The following SLC41A2 variants were observed in gnomAD, a reference collection of about 807,000 sequenced individuals.
The protein encoded by SLC41A2 is SLC41A1-like 1.
In SLC41A2, 32 loss-of-function variants were observed where a neutral mutation model predicts 58.3. The ratio of observed to expected loss-of-function variants is 0.55; its 90% CI spans 0.41 to 0.74. The LOEUF (loss-of-function observed/expected upper bound fraction) is 0.74. Ranked by LOEUF, SLC41A2 falls within the 30% of genes least tolerant of loss-of-function variation. The pLI, the probability that SLC41A2 is intolerant of heterozygous loss-of-function variation, is 0.00. For missense variants in SLC41A2, 514 were observed against 680.6 expected, an observed-to-expected ratio of 0.76 and a Z score of 2.72; for synonymous variants, 190 against 235.0, an observed-to-expected ratio of 0.81 and a Z score of 1.75.
At chr12:104,932,624 C>CAAAA (rs544329617) in intron 1 of SLC41A2, among the ~76,000 whole-genome samples, 5 of 46,034 alleles carry the variant, frequency 1.1e-4, no homozygotes, top group East Asian at 6.4e-4. Context: ...GACTTTGTCT[C>CAAAA]AAAAAAAAAA....
chr12:104,908,540 A>G (rs2045947514), intron 3 of SLC41A2, among the ~76,000 whole-genome samples: 1 of 152,244 alleles, frequency 6.6e-6, no homozygotes, highest in African/African-American at 2.4e-5. Flanking sequence ...AAAGGAAAAA[A>G]ACTTTATATA....
At position 104,889,483 on chromosome 12, in the gene SLC41A2, T is replaced by C. The variant is rs142856542; in HGVS notation, c.736-306A>G. ...ACCTAAGAAAATGCCACCTTCAGACTGAGAAGTACCCAATCCACACATCTG... is the reference window on the plus strand; with the variant it reads ...ACCTAAGAAAATGCCACCTTCAGACCGAGAAGTACCCAATCCACACATCTG... On this transcript the variant is annotated intron_variant, in intron 4 of 10. Coordinates refer to ENST00000258538, the MANE Select transcript of SLC41A2 (RefSeq NM_001352171.3). Among the ~76,000 whole-genome samples, 14 of 152,266 alleles carry C rather than the reference T, an allele frequency of 9.2e-5. No homozygotes were observed. In the East Asian group the frequency reaches 2.7e-3, roughly 29 times the overall value.
chr12:104,825,032 C>CT (rs60592498), intron 10 of SLC41A2, among the ~76,000 whole-genome samples: 74,320 of 151,866 alleles, frequency 0.49, 19,019 homozygotes, highest in Middle Eastern at 0.57. Flanking sequence ...GACTTTGTCT[C>CT]TTTTTTCTCT....
chr12:104,904,887 T>C lies in SLC41A2; in HGVS notation c.663+4768A>G, dbSNP rs537948402. Among the ~76,000 whole-genome samples the C allele has an allele frequency of 2.6e-5, 4 of 152,200 alleles. No homozygotes were observed. The East Asian group carries it at 7.7e-4, about 29-fold the overall frequency. On this transcript the variant is annotated intron_variant, in intron 3 of 10. Transcript: ENST00000258538. ...AAGAGTGAGCAGTAGCAAGATTTATTGCAAAGAACAAAAGACCAAAGCTTC... is the reference window on the plus strand; with the variant it reads ...AAGAGTGAGCAGTAGCAAGATTTATCGCAAAGAACAAAAGACCAAAGCTTC...
chr12:104,905,049 C>T (rs1449331219), intron 3 of SLC41A2, among the ~76,000 whole-genome samples: 7 of 151,886 alleles, frequency 4.6e-5, no homozygotes, highest in African/African-American at 1.5e-4. Flanking sequence ...CTGATTGGTG[C>T]GTTTACAATC....
At chr12:104,839,316 T>C (rs1439360762) in intron 10 of SLC41A2, among the ~76,000 whole-genome samples, 1 of 152,252 alleles carries the variant, frequency 6.6e-6, no homozygotes, top group South Asian at 2.1e-4. Flanking sequence ...ATATACTCCA[T>C]ATATACATAA....
chr12:104,825,817 C>A (rs558997607), intron 10 of SLC41A2, among the ~76,000 whole-genome samples: 1 of 152,278 alleles, frequency 6.6e-6, no homozygotes, highest in African/African-American at 2.4e-5. Flanking sequence ...CAACTGAAAC[C>A]CACCCCACAG....
chr12:104,853,911 A>ATTATTATTATTTTTTTTTTTTTTTTT, intron 8 of SLC41A2, among the ~76,000 whole-genome samples: 4 of 59,492 alleles, frequency 6.7e-5, no homozygotes, highest in East Asian at 4.3e-4. Context: ...TGCCTGGCTG[A>ATTATTATTATTTTTTTTTTTTTTTTT]TTTTTTTTTT....
chr12:104,857,666 T>C (rs2043066031), intron 8 of SLC41A2, among the ~76,000 whole-genome samples: 2 of 152,054 alleles, frequency 1.3e-5, no homozygotes, highest in South Asian at 4.2e-4. Flanking sequence ...CATGGAATAC[T>C]ATGCAGCCAT....
Position 104,805,215 on chromosome 12 carries a change from C to T in SLC41A2, c.1659G>A (p.Leu553=). 6.2e-7 allele frequency: 1 copy of T among 1,613,780 alleles called. No individual in the cohort carries two copies. Among genetic ancestry groups the T allele is most frequent in the Non-Finnish European group, 8.5e-7 (1 of 1,179,780 alleles). ...TALGDLLGTA[L]LALSFHFLWL... is the part of the protein sequence containing the mutation. ...AAAGAAAATGAAAACTTAAGGCTAA[C>T]AGAGCTGTCCCGAGCAGATCACCCA... Residue 553 remains leucine (L), a synonymous_variant, in exon 11 of 11, where the codon CTG becomes CTA. Transcript: ENST00000258538.
chr12:104,884,494 T>G (rs2044556135), intron 6 of SLC41A2, among the ~76,000 whole-genome samples: 1 of 152,184 alleles, frequency 6.6e-6, no homozygotes, highest in South Asian at 2.1e-4. Context: ...GTATTTTTTA[T>G]GTATATAGGG....
At chr12:104,839,865 T>C (rs1007294447) in intron 10 of SLC41A2, among the ~76,000 whole-genome samples, 3 of 152,230 alleles carry the variant, frequency 2.0e-5, no homozygotes, top group Non-Finnish European at 2.9e-5. Flanking sequence ...ATCCAACAGA[T>C]GACATGTTTA....
chr12:104,932,410 G>C (rs745731648), intron 1 of SLC41A2, among the ~76,000 whole-genome samples: 5 of 151,914 alleles, frequency 3.3e-5, no homozygotes, highest in Non-Finnish European at 7.4e-5. Flanking sequence ...AGAACTACTT[G>C]AGCCCAGGAG....
intron 10 of SLC41A2, among the ~76,000 whole-genome samples, chr12:104,830,681 T>C (rs2730294): frequency 0.49 from 74,386 of 151,928 alleles, 19,042 homozygotes; most frequent in Middle Eastern, 0.57. Context: ...AAAATACATA[T>C]TGTCTAGCAG....
At chr12:104,867,053 A>G (rs2043504113) in intron 6 of SLC41A2, among the ~76,000 whole-genome samples, 1 of 152,138 alleles carries the variant, frequency 6.6e-6, no homozygotes, top group South Asian at 2.1e-4. Flanking sequence ...GAAAATATGT[A>G]TCTGACACCA....
rs1272457109 is a variant in SLC41A2 at position 104,804,365 on chromosome 12, C to CAT, written c.*785_*786dup. On this transcript the variant is annotated 3_prime_UTR_variant, in exon 11 of 11. Coordinates refer to ENST00000258538, the MANE Select transcript of SLC41A2 (RefSeq NM_001352171.3). The stretch of plus-strand genomic sequence containing the variant: ...TCTCTCTCACACACACACACACACA[C>CAT]ATTCTCGTACCGTCTTGTCTCTACA... 6.6e-6 allele frequency: 1 copy of CAT among 151,696 alleles called. No homozygotes were observed. Among genetic ancestry groups the CAT allele is most frequent in the Non-Finnish European group, 1.5e-5 (1 of 67,938 alleles). 9.4% of individuals were successfully genotyped at this position (151,696 alleles called of 1,614,324 possible).
chr12:104,823,131 T>C (rs1028535935), intron 10 of SLC41A2, among the ~76,000 whole-genome samples: 3 of 152,176 alleles, frequency 2.0e-5, no homozygotes, highest in Admixed American at 6.5e-5. Flanking sequence ...AGGTTTGAGA[T>C]AGAGCATCAC....
chr12:104,928,204 C>A lies in SLC41A2; in HGVS notation c.324G>T (p.Lys108Asn). 3.7e-6 allele frequency: 6 copies of A among 1,614,162 alleles called. No individual in the cohort carries two copies. The highest frequency in any genetic ancestry group is 5.1e-6 in the Non-Finnish European group (6 of 1,180,014). Residue 108 changes from lysine (K) to asparagine (N), a missense_variant, in exon 2 of 11, where the codon AAG (lysine) becomes AAT (asparagine). Coordinates refer to ENST00000258538, the MANE Select transcript of SLC41A2 (RefSeq NM_001352171.3). ...NGHASSSCSQ[K>N]YDDYANYNYC... ...AATTATAATTGGCATAGTCATCATA[C>A]TTTTGGCTGCAGCTTGATGATGCGT...
intron 8 of SLC41A2, 77 bp from the exon 9 acceptor site, chr12:104,846,051 C>T (rs2042588921): frequency 6.2e-6 from 9 of 1,441,244 alleles, no homozygotes; most frequent in Non-Finnish European, 8.6e-6. Context: ...AAGCAAGCCT[C>T]TTCGTGTAAC....
Sources: allele counts gnomAD v4.1 joint callset (sites outside exome capture counted in the v4.1 genomes callset), GRCh38; gene constraint gnomAD v4.1.1; transcripts MANE v1.5; gene names NCBI Gene and HGNC (gene_info 2026-07-23, HGNC 2026-07-21).